SNX16: variants seen among roughly 807,000 people sequenced by gnomAD.
SNX16 encodes sorting nexin-16.
In SNX16, 35 loss-of-function variants were observed where a neutral mutation model predicts 36.7. That is an observed-to-expected ratio of 0.95 (90% CI 0.73 to 1.27). The LOEUF (loss-of-function observed/expected upper bound fraction) is 1.27. Among genes scored for constraint, SNX16 ranks in the 50% most tolerant of loss-of-function variants. The pLI is 0.00. For missense variants in SNX16, 367 were observed against 393.6 expected (o/e 0.93, Z 0.57); for synonymous variants, 134 against 132.0 (o/e 1.02, Z -0.10).
At chr8:81,830,572 TA>T (rs1811211666) in intron 2 of SNX16, among the ~76,000 whole-genome samples, 1 of 116,986 alleles carries the variant, frequency 8.5e-6, no homozygotes, top group Admixed American at 9.4e-5. Context: ...AGACTCCGTC[TA>T]GGGGGTAAAA....
intron 3 of SNX16, among the ~76,000 whole-genome samples, chr8:81,828,401 C>T (rs1284762068): frequency 1.3e-5 from 2 of 151,966 alleles, no homozygotes; most frequent in Non-Finnish European, 2.9e-5. Context: ...AAGTGTTTTC[C>T]AGGTTTATTG....
chr8:81,822,947 C>T (rs60346134), intron 4 of SNX16, among the ~76,000 whole-genome samples: 824 of 52,212 alleles, frequency 0.016, 9 homozygotes, highest in African/African-American at 0.041. Context: ...TATACATATA[C>T]ATATATATAT....
chr8:81,816,293 G>GA (rs1456750340), intron 4 of SNX16, among the ~76,000 whole-genome samples: 42 of 151,202 alleles, frequency 2.8e-4, no homozygotes, highest in Non-Finnish European at 5.2e-4. Context: ...GGGTTCCAGC[G>GA]ATTCTCCTGC....
rs768684772 is a variant in SNX16 at position 81,839,858 on chromosome 8, C to G, written c.129G>C (p.Gln43His). The change falls in exon 2 of 8, where the codon CAG (glutamine) becomes CAC (histidine). Residue 43 changes from glutamine to histidine, a missense_variant. Gln to His is a conservative substitution (Grantham distance 24). Coordinates refer to ENST00000345957, the MANE Select transcript of SNX16 (RefSeq NM_152836.3). ...AATTACCCATATTTGAGTCTTCTAA[C>G]TGGCCCTTAGAAGAATTTGAGCTTG... is the stretch of plus-strand genomic sequence containing the variant. ...VSTSSNSSKG[Q>H]LEDSNMGNFK... 11 of 1,614,002 alleles carry G rather than the reference C, an allele frequency of 6.8e-6. No individual in the cohort carries two copies. Among genetic ancestry groups the G allele is most frequent in the Non-Finnish European group, 9.3e-6 (11 of 1,179,912 alleles).
chr8:81,812,410 T>C (rs1057075194), intron 5 of SNX16, among the ~76,000 whole-genome samples: 2 of 151,292 alleles, frequency 1.3e-5, no homozygotes, highest in African/African-American at 2.4e-5. Flanking sequence ...AAACAGAATA[T>C]CTTGAAAGCA....
intron 2 of SNX16, among the ~76,000 whole-genome samples, chr8:81,830,579 T>TAAA (rs752827905): frequency 2.2e-5 from 2 of 90,220 alleles, no homozygotes; most frequent in South Asian, 3.5e-4. Flanking sequence ...GTCTAGGGGG[T>TAAA]AAAAAAAAAA....
At chr8:81,834,525 C>T (rs973008461) in intron 2 of SNX16, among the ~76,000 whole-genome samples, 7 of 152,160 alleles carry the variant, frequency 4.6e-5, no homozygotes, top group African/African-American at 9.7e-5. Flanking sequence ...GTCTATGAGC[C>T]TATAAAATCA....
In SNX16 at chr8:81,839,678, C is replaced by T; in HGVS notation, c.309G>A (p.Trp103Ter). ...TAGTAGGTGTAGATGGTCTATCTTC[C>T]CAATTCACTGTTTCCGGATTTTGTT... ...TEEQNPETVN[W>*]EDRPSTPTIL... The change falls in exon 2 of 8, where the codon TGG becomes TGA. Residue 103 changes from tryptophan to a stop codon, truncating the protein, a stop_gained. Transcript: ENST00000345957. LOFTEE classifies it high-confidence loss of function. The T allele has an allele frequency of 6.2e-7, 1 of 1,613,694 alleles. No individual in the cohort carries two copies. Among genetic ancestry groups the T allele is most frequent in the Non-Finnish European group, 8.5e-7 (1 of 1,179,746 alleles).
intron 4 of SNX16, among the ~76,000 whole-genome samples, chr8:81,816,097 T>A (rs1400764453): frequency 6.6e-6 from 1 of 152,152 alleles, no homozygotes; most frequent in East Asian, 1.9e-4. Context: ...GACAACTCTA[T>A]GTACACATCA....
intron 4 of SNX16, among the ~76,000 whole-genome samples, chr8:81,820,986 C>A (rs914170867): frequency 8.0e-5 from 12 of 150,832 alleles, no homozygotes; most frequent in African/African-American, 2.9e-4. Flanking sequence ...CCACCCATCA[C>A]CTATAAAAAA....
At chr8:81,823,220 T>C (rs1810855991) in intron 4 of SNX16, among the ~76,000 whole-genome samples, 2 of 151,778 alleles carry the variant, frequency 1.3e-5, no homozygotes, top group Non-Finnish European at 1.5e-5. Flanking sequence ...ATTTATCTGA[T>C]AACATAAGTT....
chr8:81,806,955 A>C (rs1198110225), intron 5 of SNX16, among the ~76,000 whole-genome samples: 1 of 152,104 alleles, frequency 6.6e-6, no homozygotes, highest in African/African-American at 2.4e-5. Flanking sequence ...AGAACTTAAA[A>C]AAAAACCCTC....
At position 81,801,393 on chromosome 8, in the gene SNX16, T is replaced by A; in HGVS notation, c.*104A>T. ...AAACTTTATACATGTGCATTCTTGC[T>A]CTTTTCTATATGTTTTACAGTTCTT... is the stretch of plus-strand genomic sequence containing the variant. On this transcript the variant is annotated 3_prime_UTR_variant, in exon 8 of 8. Transcript: ENST00000345957. 1.7e-6 allele frequency: 1 copy of A among 596,640 alleles called. No homozygotes were observed. The highest frequency in any genetic ancestry group is 3.2e-5 in the Admixed American group (1 of 31,320). 37.0% of individuals were successfully genotyped at this position (596,640 alleles called of 1,614,324 possible).
At position 81,839,979 on chromosome 8, in the gene SNX16, G is replaced by A. The variant is rs1440364259; in HGVS notation, c.8C>T (p.Thr3Ile). The change falls in exon 2 of 8, where the codon ACT becomes ATT. Residue 3 changes from threonine (T) to isoleucine (I), a missense_variant. Thr to Ile is a moderately conservative substitution (Grantham distance 89). Coordinates refer to ENST00000345957, the MANE Select transcript of SNX16 (RefSeq NM_152836.3). ...GGGCATAGGAACTGGGACATAAGGA[G>A]TTGCCATCTTCTTTTGGCTTTTCCA... is the stretch of plus-strand genomic sequence containing the variant. Reference protein sequence around the residue: MATPYVPVPMPIG... With the variant: MAIPYVPVPMPIG... 1 of 1,599,746 alleles carries A rather than the reference G, an allele frequency of 6.3e-7. No homozygotes were observed. Among genetic ancestry groups the A allele is most frequent in the African/African-American group, 1.4e-5 (1 of 73,932 alleles).
At position 81,840,034 on chromosome 8, in the gene SNX16, GAGA is replaced by G. The variant is rs1483791150; in HGVS notation, c.-51_-49del. ...GCTTGCACACTGTTGAGTCCACTTA[GAGA>G]ACAACTAATATGCAATCCATTATTT... On this transcript the variant is annotated 5_prime_UTR_variant, in exon 2 of 8. Transcript: ENST00000345957. 7.2e-6 allele frequency: 11 copies of G among 1,522,940 alleles called. No individual in the cohort carries two copies. Among genetic ancestry groups the G allele is most frequent in the Non-Finnish European group, 9.6e-6 (11 of 1,140,966 alleles). 94.3% of individuals were successfully genotyped at this position (1,522,940 alleles called of 1,614,324 possible). A position where few individuals can be genotyped will look rare whatever the true frequency, so the allele number is the denominator to read the frequency against.
At chr8:81,817,178 C>G (rs1266893114) in intron 4 of SNX16, among the ~76,000 whole-genome samples, 2 of 152,100 alleles carry the variant, frequency 1.3e-5, no homozygotes, top group East Asian at 1.9e-4. Context: ...CTGTTTAATA[C>G]TTTCAGTATA....
In SNX16 at chr8:81,840,096, G is replaced by A; in HGVS notation, c.-96-14C>T. On this transcript the variant is annotated splice_polypyrimidine_tract_variant and intron_variant, in intron 1 of 7. Coordinates refer to ENST00000345957, the MANE Select transcript of SNX16 (RefSeq NM_152836.3). Reference sequence around the variant, plus strand: ...GGAATTCACTATCTAAAAATGAAAAGGACATATTAAAAGGTTAGTCTTTAA... The same window carrying A: ...GGAATTCACTATCTAAAAATGAAAAAGACATATTAAAAGGTTAGTCTTTAA... 7.7e-7 allele frequency: 1 copy of A among 1,303,802 alleles called. No individual in the cohort carries two copies. The highest frequency in any genetic ancestry group is 1.0e-6 in the Non-Finnish European group (1 of 960,156). The allele number at this position is 1,303,802 out of a possible 1,614,324, so 80.8% of individuals were successfully genotyped here.
In SNX16 at chr8:81,839,715, C is replaced by G; in HGVS notation, c.272G>C (p.Arg91Thr). ...TTCCGGATTTTGTTCTTCAGTGTCT[C>G]TTGGTCTAGTAGAATACTCAATGGA... The part of the protein sequence containing the change: ...ASSIEYSTRP[R>T]DTEEQNPETV... The change falls in exon 2 of 8, where the codon AGA (arginine) becomes ACA (threonine). Residue 91 changes from arginine to threonine, a missense_variant. Transcript: ENST00000345957. The G allele has an allele frequency of 1.9e-6, 3 of 1,613,978 alleles. No homozygotes were observed. The highest frequency in any genetic ancestry group is 2.5e-6 in the Non-Finnish European group (3 of 1,179,918).
intron 5 of SNX16, among the ~76,000 whole-genome samples, chr8:81,812,055 A>G (rs1009194234): frequency 6.6e-6 from 1 of 152,126 alleles, no homozygotes; most frequent in African/African-American, 2.4e-5. Flanking sequence ...GGGGCTCAAC[A>G]GGAGATTTAA....
Sources: gnomAD v4.1 joint callset for allele counts (sites outside exome capture counted in the v4.1 genomes callset) on GRCh38, gnomAD v4.1.1 for gene constraint, MANE v1.5 for transcripts, NCBI Gene and HGNC (gene_info 2026-07-23, HGNC 2026-07-21) for gene names.